STX17: variants seen among roughly 807,000 people sequenced by gnomAD.
STX17 encodes the protein syntaxin-17.
In STX17, 29 loss-of-function variants were observed where a neutral mutation model predicts 35.9. That is an observed-to-expected ratio of 0.81 (90% confidence interval 0.60 to 1.10). The LOEUF (loss-of-function observed/expected upper bound fraction) is 1.10, where lower values mean the gene tolerates loss of function less well. Ranked by LOEUF, STX17 falls within the 50% of genes least tolerant of loss-of-function variation. The pLI is 0.00. For missense variants in STX17, 312 were observed against 352.3 expected (o/e 0.89, Z 0.92); for synonymous variants, 92 against 118.3 (o/e 0.78, Z 1.44).
At chr9:99,948,998 A>G (rs886922941) in intron 3 of STX17, among the ~76,000 whole-genome samples, 1 of 152,120 alleles carries the variant, frequency 6.6e-6, no homozygotes, top group Non-Finnish European at 1.5e-5. Flanking sequence ...TGGTCCAGAA[A>G]GGAGTCACAT....
intron 4 of STX17, among the ~76,000 whole-genome samples, chr9:99,958,351 CTATACTTACCAG>C (rs1829755255): frequency 6.6e-6 from 1 of 152,136 alleles, no homozygotes; most frequent in Non-Finnish European, 1.5e-5. Flanking sequence ...GTGTAGCACT[CTATACTTACCAG>C]TATTACAGTT....
rs757160374 is a variant in STX17 at position 99,959,899 on chromosome 9, G to A, written c.416-18G>A. On this transcript the variant is annotated intron_variant, in intron 4 of 7. Coordinates refer to ENST00000259400, the MANE Select transcript of STX17 (RefSeq NM_017919.3). ...AAAGCAAATAAACTCTAAACATGGG[G>A]TTATTATGTTCATCCAGGAGCATTT... The A allele has an allele frequency of 1.4e-5, 22 of 1,555,834 alleles. No homozygotes were observed. Among genetic ancestry groups the A allele is most frequent in the Admixed American group, 5.2e-5 (3 of 57,180 alleles).
rs181688443 is a variant in STX17 at position 99,956,698 on chromosome 9, T to G, written c.416-3219T>G. 9.4e-3 allele frequency among the ~76,000 whole-genome samples: 1,437 copies of G among 152,352 alleles called. 13 individuals are homozygous for G. Among genetic ancestry groups the G allele is most frequent in the Non-Finnish European group, 0.016 (1,083 of 68,028 alleles). ...CGCCTGCCTTTGCTCTTCCTTTAAG[T>G]TAAATAAATATATTCAGATAAGATT... On this transcript the variant is annotated intron_variant, in intron 4 of 7. Coordinates refer to ENST00000259400, the MANE Select transcript of STX17 (RefSeq NM_017919.3).
At chr9:99,966,129 C>A (rs1263980289) in intron 6 of STX17, among the ~76,000 whole-genome samples, 1 of 152,176 alleles carries the variant, frequency 6.6e-6, no homozygotes, top group African/African-American at 2.4e-5. Flanking sequence ...TCATCCCAGG[C>A]CTACTGGATC....
In STX17 at chr9:99,944,950, G is replaced by A. The variant is rs370271569; in HGVS notation, c.190-6110G>A. ...CAAGTTTAATTTTATTATGATCAGA[G>A]TATATGGTCTGTATGATATCAGTGT... is the stretch of plus-strand genomic sequence containing the variant. On this transcript the variant is annotated intron_variant, in intron 3 of 7. Coordinates refer to ENST00000259400, the MANE Select transcript of STX17 (RefSeq NM_017919.3). Among the ~76,000 whole-genome samples the A allele has an allele frequency of 5.8e-4, 88 of 152,228 alleles. 2 individuals carry two copies. The highest frequency in any genetic ancestry group is 2.0e-3 in the African/African-American group (83 of 41,526).
chr9:99,960,292 T>G (rs950778328), intron 6 of STX17, 137 bp downstream of exon 6: 1 of 883,740 alleles, frequency 1.1e-6, no homozygotes. Context: ...GATAGAAGTT[T>G]AACTGTTCTC....
chr9:99,968,144 G>A (rs1398202411), intron 7 of STX17, among the ~76,000 whole-genome samples: 3 of 152,146 alleles, frequency 2.0e-5, no homozygotes, highest in Non-Finnish European at 2.9e-5. Context: ...TGTGGCTGCC[G>A]AAACAGTTTA....
At position 99,971,884 on chromosome 9, in the gene STX17, G is replaced by A. The variant is rs1830022305; in HGVS notation, c.*3211G>A. 6.6e-6 allele frequency among the ~76,000 whole-genome samples: 1 copy of A among 152,118 alleles called. No homozygotes were observed. Among genetic ancestry groups the A allele is most frequent in the Non-Finnish European group, 1.5e-5 (1 of 68,024 alleles). ...GAAAAAAATTAAGAATTAGCTGGGT[G>A]TGGCATAGCACACACCTGTGGTCCC... On this transcript the variant is annotated 3_prime_UTR_variant, in exon 8 of 8. Coordinates refer to ENST00000259400, the MANE Select transcript of STX17 (RefSeq NM_017919.3).
At chr9:99,930,176 G>T (rs939529627) in intron 3 of STX17, among the ~76,000 whole-genome samples, 5 of 152,002 alleles carry the variant, frequency 3.3e-5, no homozygotes, top group African/African-American at 9.7e-5. Flanking sequence ...CTCCCATAGT[G>T]CTGGGATTAC....
chr9:99,941,867 T>C (rs1829370886), intron 3 of STX17, among the ~76,000 whole-genome samples: 1 of 152,226 alleles, frequency 6.6e-6, no homozygotes, highest in South Asian at 2.1e-4. Context: ...TTAATGAACA[T>C]ACCATAGTGT....
intron 4 of STX17, among the ~76,000 whole-genome samples, chr9:99,958,097 G>A (rs1381249849): frequency 6.6e-6 from 1 of 152,164 alleles, no homozygotes; most frequent in African/African-American, 2.4e-5. Flanking sequence ...TAATCTCAAA[G>A]TAGATTTCCA....
chr9:99,911,865 G>C (rs4585797), intron 1 of STX17, among the ~76,000 whole-genome samples: 104,808 of 152,114 alleles, frequency 0.69, 36,377 homozygotes, highest in African/African-American at 0.72. Context: ...CTATGAGCCA[G>C]CGTACCCAGC....
chr9:99,931,681 A>C (rs937542953), intron 3 of STX17, among the ~76,000 whole-genome samples: 2 of 152,130 alleles, frequency 1.3e-5, no homozygotes, highest in Non-Finnish European at 2.9e-5. Flanking sequence ...TTCTTTGTAG[A>C]AAAAATTTGG....
chr9:99,937,985 G>C (rs546028093), intron 3 of STX17: 198 of 152,266 alleles, frequency 1.3e-3, no homozygotes, highest in African/African-American at 4.6e-3. Context: ...CATCATGGGG[G>C]CAAAACCTTT....
rs1829803057 is a variant in STX17 at position 99,960,298 on chromosome 9, T to TCTA, written c.582+143_582+144insCTA. ...TAAGCCATAGATAGAAGTTTAACTG[T>TCTA]TCTCAAATTCCAGATTAATTCAAGA... On this transcript the variant is annotated intron_variant, in intron 6 of 7. Coordinates refer to ENST00000259400, the MANE Select transcript of STX17 (RefSeq NM_017919.3). The TCTA allele has an allele frequency of 7.1e-6, 6 of 845,376 alleles. No individual in the cohort carries two copies. In the South Asian group the frequency reaches 1.1e-4, roughly 16 times the overall value. The allele number at this position is 845,376 out of a possible 1,614,324, so 52.4% of individuals were successfully genotyped here.
At chr9:99,947,765 A>G (rs1162038435) in intron 3 of STX17, among the ~76,000 whole-genome samples, 1 of 152,120 alleles carries the variant, frequency 6.6e-6, no homozygotes, top group Non-Finnish European at 1.5e-5. Flanking sequence ...GAGTCCTTAT[A>G]CTTAGCAGGT....
intron 6 of STX17, among the ~76,000 whole-genome samples, chr9:99,967,091 ATTTC>A (rs1277927026): frequency 6.6e-5 from 10 of 152,202 alleles, no homozygotes; most frequent in Admixed American, 2.6e-4. Context: ...CAGAACAGTG[ATTTC>A]ATTCACTGTT....
intron 6 of STX17, among the ~76,000 whole-genome samples, chr9:99,963,074 T>G (rs961318572): frequency 1.3e-5 from 2 of 152,214 alleles, no homozygotes; most frequent in Non-Finnish European, 2.9e-5. Context: ...TGCACAATAT[T>G]GTGAAGTTAC....
At chr9:99,933,655 C>G (rs1189229256) in intron 3 of STX17, among the ~76,000 whole-genome samples, 1 of 152,112 alleles carries the variant, frequency 6.6e-6, no homozygotes, top group Non-Finnish European at 1.5e-5. Context: ...AAATATCCCC[C>G]ATCCCACATG....
Sources: gnomAD v4.1 joint callset for allele counts (sites outside exome capture counted in the v4.1 genomes callset) on GRCh38, gnomAD v4.1.1 for gene constraint, MANE v1.5 for transcripts, NCBI Gene and HGNC (gene_info 2026-07-23, HGNC 2026-07-21) for gene names.